Variants in MBTD1 observed in about 807,000 individuals in gnomAD.
MBTD1 encodes the protein mbt domain containing 1.
A neutral mutation model predicts 87.8 loss-of-function variants in MBTD1; 24 were observed. The observed-to-expected ratio is 0.27, with a 90% CI of 0.20 to 0.38. The LOEUF (loss-of-function observed/expected upper bound fraction) is 0.38, where lower values mean the gene tolerates loss of function less well. Among genes scored for constraint, MBTD1 ranks in the 10% least tolerant of loss-of-function variants. The pLI, the probability that MBTD1 is intolerant of heterozygous loss-of-function variation, is 1.00. For missense variants in MBTD1, 436 were observed against 760.2 expected, an observed-to-expected ratio of 0.57 and a Z score of 5.02; for synonymous variants, 237 against 248.6, an observed-to-expected ratio of 0.95 and a Z score of 0.44.
At chr17:51,239,769 AC>A (rs1296751437) in intron 2 of MBTD1, among the ~76,000 whole-genome samples, 2 of 152,110 alleles carry the variant, frequency 1.3e-5, no homozygotes, top group Non-Finnish European at 1.5e-5. Flanking sequence ...AACAAAAAAA[AC>A]AAAAAAAAAA....
upstream of MBTD1, among the ~76,000 whole-genome samples, chr17:51,260,321 T>C (rs577856261): frequency 8.5e-5 from 13 of 152,310 alleles, no homozygotes; most frequent in South Asian, 2.1e-4. Context: ...AGCTGCGAAA[T>C]TGTGTTGGAA....
At chr17:51,249,641 A>G (rs1300172717) in intron 2 of MBTD1, 1 of 151,966 alleles carries the variant, frequency 6.6e-6, no homozygotes, top group Admixed American at 6.6e-5. Context: ...AATTCTCCAC[A>G]TATTTTATCA....
intron 16 of MBTD1, chr17:51,185,507 T>A (rs1297039809): frequency 6.6e-6 from 1 of 152,218 alleles, no homozygotes; most frequent in Non-Finnish European, 1.5e-5. Context: ...ATGGAAATAA[T>A]AAAATGCAGG....
Position 51,220,314 on chromosome 17 carries a change from G to T in MBTD1, c.288+16C>A, listed in dbSNP as rs1195514921. The T allele has an allele frequency of 1.1e-5, 17 of 1,539,478 alleles. No individual in the cohort carries two copies. Among genetic ancestry groups the T allele is most frequent in the Non-Finnish European group, 1.5e-5 (17 of 1,140,668 alleles). ...AGAAATAATGGATATAAGTAAGAAA[G>T]TTTCTGTACCGTTACCTGAAGTCTG... On this transcript the variant is annotated intron_variant, in intron 4 of 16. Coordinates refer to ENST00000586178, the MANE Select transcript of MBTD1 (RefSeq NM_017643.3).
In MBTD1 at chr17:51,197,508, A is replaced by C. The variant is rs188020228; in HGVS notation, c.1225-2147T>G. ...TCTCTGCTACTTGCTCACTACTCTT[A>C]ATTTTTCTTTTCTTTTTTTTTTTTT... On this transcript the variant is annotated intron_variant, in intron 12 of 16. Transcript: ENST00000586178. Among the ~76,000 whole-genome samples the C allele has an allele frequency of 2.8e-4, 42 of 149,088 alleles. No individual in the cohort carries two copies. In the East Asian group the frequency reaches 6.5e-3, roughly 23 times the overall value.
At chr17:51,236,721 A>C (rs2053860505) in intron 2 of MBTD1, among the ~76,000 whole-genome samples, 1 of 152,076 alleles carries the variant, frequency 6.6e-6, no homozygotes, top group Non-Finnish European at 1.5e-5. Context: ...ATATCTATAG[A>C]TATATACGGT....
At chr17:51,226,783 C>T (rs2053243861) in intron 2 of MBTD1, among the ~76,000 whole-genome samples, 1 of 151,518 alleles carries the variant, frequency 6.6e-6, no homozygotes, top group Non-Finnish European at 1.5e-5. Context: ...AGGTGAGTGC[C>T]AACATGCCCA....
chr17:51,255,095 A>G (rs1005531653), intron 2 of MBTD1, among the ~76,000 whole-genome samples: 6 of 152,174 alleles, frequency 3.9e-5, no homozygotes, highest in Admixed American at 3.3e-4. Flanking sequence ...AGCCTGGCCA[A>G]TATGATGAAA....
chr17:51,210,558 G>A (rs2052125884), intron 6 of MBTD1, among the ~76,000 whole-genome samples: 1 of 151,586 alleles, frequency 6.6e-6, no homozygotes, highest in African/African-American at 2.4e-5. Context: ...GAGTTCAAGA[G>A]CAGCCTGGCC....
rs370619252 is a variant in MBTD1, at chr17:51,219,057, A to T, written c.289-13T>A. ...TTGGAGGCTTACCCTAAAACAAGAA[A>T]AGTTAAGTAAATAGGATTCTTTTTC... On this transcript the variant is annotated splice_polypyrimidine_tract_variant and intron_variant, in intron 4 of 16. Coordinates refer to ENST00000586178, the MANE Select transcript of MBTD1 (RefSeq NM_017643.3). The T allele has an allele frequency of 7.3e-7, 1 of 1,373,296 alleles. No individual in the cohort carries two copies. Among genetic ancestry groups the T allele is most frequent in the Admixed American group, 2.0e-5 (1 of 50,800 alleles). 85.1% of individuals were successfully genotyped at this position (1,373,296 alleles called of 1,614,324 possible).
At chr17:51,214,795 T>C (rs2052472858) in intron 6 of MBTD1, among the ~76,000 whole-genome samples, 1 of 152,198 alleles carries the variant, frequency 6.6e-6, no homozygotes, top group South Asian at 2.1e-4. Context: ...TCCTGACTAA[T>C]GAACCAGTTT....
intron 1 of MBTD1, among the ~76,000 whole-genome samples, chr17:51,259,533 C>A (rs532169991): frequency 6.6e-6 from 1 of 152,232 alleles, no homozygotes; most frequent in African/African-American, 2.4e-5. Flanking sequence ...CCTTTCCCCC[C>A]TAGCCAGAGC....
rs912771751 is a variant in MBTD1, at chr17:51,259,922, G to T, written c.-200C>A. ...GCGGCGCCCCCTCCCCGGGCTGGGGGCAGGTGCCTCTCCCCGGGACTGCGG... is the reference window on the plus strand; with the variant it reads ...GCGGCGCCCCCTCCCCGGGCTGGGGTCAGGTGCCTCTCCCCGGGACTGCGG... On this transcript the variant is annotated 5_prime_UTR_variant, in exon 1 of 17. Transcript: ENST00000586178. The T allele has an allele frequency of 1.6e-6, 2 of 1,224,470 alleles. No homozygotes were observed. The highest frequency in any genetic ancestry group is 3.2e-5 in the East Asian group (1 of 31,630). The allele number at this position is 1,224,470 out of a possible 1,614,324, so 75.9% of individuals were successfully genotyped here.
intron 16 of MBTD1, chr17:51,184,760 C>A (rs2144990698): frequency 6.6e-6 from 1 of 152,224 alleles, no homozygotes; most frequent in African/African-American, 2.4e-5. Context: ...ATATTTGGAA[C>A]TCACAATATC....
intron 12 of MBTD1, among the ~76,000 whole-genome samples, chr17:51,199,170 C>T (rs2051316004): frequency 6.6e-6 from 1 of 152,144 alleles, no homozygotes; most frequent in African/African-American, 2.4e-5. Flanking sequence ...ACAATCTCAG[C>T]TCACTGCAAC....
At chr17:51,260,914 G>A (rs8907), upstream of MBTD1, 113,336 of 1,585,086 alleles carry the variant, frequency 0.072, 5,273 homozygotes, top group African/African-American at 0.22. Context: ...TGCGGCGTCT[G>A]CGAGGCCCGA....
chr17:51,236,843 G>T lies in MBTD1; in HGVS notation c.-48-11634C>A, dbSNP rs895671308. Among the ~76,000 whole-genome samples the T allele has an allele frequency of 2.0e-5, 3 of 152,098 alleles. No homozygotes were observed. The East Asian group carries it at 5.8e-4, about 29-fold the overall frequency. On this transcript the variant is annotated intron_variant, in intron 2 of 16. Coordinates refer to ENST00000586178, the MANE Select transcript of MBTD1 (RefSeq NM_017643.3). Reference sequence around the variant, plus strand: ...CATTCATATGCCAAAATACCACTTTGATCCATACCTCACATCATATATAAA... The same window carrying T: ...CATTCATATGCCAAAATACCACTTTTATCCATACCTCACATCATATATAAA...
At chr17:51,217,063 A>G (rs571938075) in intron 6 of MBTD1, among the ~76,000 whole-genome samples, 1 of 152,234 alleles carries the variant, frequency 6.6e-6, no homozygotes, top group East Asian at 1.9e-4. Context: ...ATAAATAAAT[A>G]TAAAAGAAAA....
chr17:51,258,599 C>T (rs1470545359), intron 2 of MBTD1, among the ~76,000 whole-genome samples: 18 of 151,824 alleles, frequency 1.2e-4, no homozygotes, highest in African/African-American at 4.1e-4. Context: ...CGGGTGTGGG[C>T]GGTAATCATC....
Sources: allele counts gnomAD v4.1 joint callset (sites outside exome capture counted in the v4.1 genomes callset), GRCh38; gene constraint gnomAD v4.1.1; transcripts MANE v1.5; gene names NCBI Gene and HGNC (gene_info 2026-07-23, HGNC 2026-07-21).